TRIM8: variants seen among roughly 807,000 people sequenced by gnomAD.
The protein encoded by TRIM8 is tripartite motif containing 8, also known as E3 ubiquitin-protein ligase TRIM8.
In TRIM8, 9 loss-of-function variants were observed where a neutral mutation model predicts 55.7. The ratio of observed to expected loss-of-function variants is 0.16; its 90% CI spans 0.10 to 0.28. TRIM8 has a LOEUF of 0.28. Ranked by LOEUF, TRIM8 falls within the 10% of genes least tolerant of loss-of-function variation. The pLI, the probability that TRIM8 is intolerant of heterozygous loss-of-function variation, is 1.00. For synonymous variants in TRIM8, 335 were observed against 333.3 expected (o/e 1.01, Z -0.06); for missense variants, 556 against 736.4 (o/e 0.76, Z 2.83).
intron 1 of TRIM8, among the ~76,000 whole-genome samples, chr10:102,646,054 C>T (rs987922156): frequency 6.6e-6 from 1 of 152,162 alleles, no homozygotes; most frequent in Non-Finnish European, 1.5e-5. Flanking sequence ...TGGGTGATTA[C>T]GGAACCGCGT....
rs750896248 is a variant in TRIM8 at position 102,644,877 on chromosome 10, C to T, written c.260C>T (p.Pro87Leu). The T allele has an allele frequency of 6.2e-6, 10 of 1,611,558 alleles. No homozygotes were observed. The Admixed American group carries it at 8.3e-5, about 13-fold the overall frequency. ...KFNALHVEKP[P>L]AALHCVFCRR... ...AATGCCCTGCACGTGGAGAAGCCGCCGGCGGCGCTGCACTGCGTGTTCTGC... is the reference window on the plus strand; with the variant it reads ...AATGCCCTGCACGTGGAGAAGCCGCTGGCGGCGCTGCACTGCGTGTTCTGC... Residue 87 changes from proline to leucine, a missense_variant, in exon 1 of 6, where the codon CCG becomes CTG. Transcript: ENST00000643721.
chr10:102,652,804 C>CT (rs11455358), intron 1 of TRIM8, among the ~76,000 whole-genome samples: 19,139 of 144,036 alleles, frequency 0.13, 1,596 homozygotes, highest in East Asian at 0.41. Context: ...CGATACTTAA[C>CT]TTTTTTTTTT....
intron 1 of TRIM8, among the ~76,000 whole-genome samples, chr10:102,649,494 A>AGGCTGGCCT (rs1390072283): frequency 6.6e-6 from 1 of 152,186 alleles, no homozygotes; most frequent in African/African-American, 2.4e-5. Flanking sequence ...CGGGCCGAGC[A>AGGCTGGCCT]GGCTGGCCTG....
Position 102,656,927 on chromosome 10 carries a change from G to A in TRIM8, c.1229G>A (p.Gly410Asp). The A allele has an allele frequency of 1.2e-6, 2 of 1,606,450 alleles. No individual in the cohort carries two copies. The highest frequency in any genetic ancestry group is 1.7e-6 in the Non-Finnish European group (2 of 1,175,894). Reference protein sequence around the residue: ...YGAAGTASGEGQSGQPLGPCS... With the variant: ...YGAAGTASGEDQSGQPLGPCS... ...GCGGCGGGCACAGCCAGCGGTGAGG[G>A]CCAGTCTGGGCAGCCCCTGGGGCCC... Residue 410 changes from glycine to aspartate, a missense_variant, in exon 6 of 6, where the codon GGC (glycine) becomes GAC (aspartate). Transcript: ENST00000643721. This position sits in a 1 kb window ranked among gnomAD's most constrained non-coding sequence, Gnocchi z 4.6.
Position 102,656,256 on chromosome 10 carries a change from T to A in TRIM8, c.933-14T>A. 1 of 1,614,108 alleles carries A rather than the reference T, an allele frequency of 6.2e-7. No homozygotes were observed. Among genetic ancestry groups the A allele is most frequent in the Non-Finnish European group, 8.5e-7 (1 of 1,180,000 alleles). ...ATGCCTCCTCACAGCAGATGCCCCGTCCACTGCCCCCAGGACCCAGACCTG... is the reference window on the plus strand; with the variant it reads ...ATGCCTCCTCACAGCAGATGCCCCGACCACTGCCCCCAGGACCCAGACCTG... On this transcript the variant is annotated splice_polypyrimidine_tract_variant and intron_variant, in intron 4 of 5. Transcript: ENST00000643721. The surrounding 1 kb of genome is among the most constrained non-coding windows in gnomAD (Gnocchi z 4.6).
intron 1 of TRIM8, among the ~76,000 whole-genome samples, chr10:102,652,657 G>C (rs534617294): frequency 1.3e-5 from 2 of 152,266 alleles, no homozygotes; most frequent in East Asian, 3.9e-4. Flanking sequence ...ACCATGGTTT[G>C]TGAGGCAATT....
chr10:102,647,645 C>T (rs558658781), intron 1 of TRIM8, among the ~76,000 whole-genome samples: 2 of 152,128 alleles, frequency 1.3e-5, no homozygotes, highest in African/African-American at 4.8e-5. Flanking sequence ...TTTCTCTTCC[C>T]GGAGGGAGTC....
intron 3 of TRIM8, among the ~76,000 whole-genome samples, chr10:102,655,569 A>C (rs1010627033): frequency 1.3e-5 from 2 of 152,216 alleles, no homozygotes; most frequent in African/African-American, 4.8e-5. Context: ...CCACATTTAT[A>C]AACATCTCTG....
At position 102,657,412 on chromosome 10, in the gene TRIM8, G is replaced by T. The variant is rs868663721; in HGVS notation, c.*58G>T. On this transcript the variant is annotated 3_prime_UTR_variant, in exon 6 of 6. Coordinates refer to ENST00000643721, the MANE Select transcript of TRIM8 (RefSeq NM_030912.3). Reference sequence around the variant, plus strand: ...TCCTCCCCAGCCCCCGGGCTCGGGAGTTATGCATCCAGAGACCTGCCCTTC... The same window carrying T: ...TCCTCCCCAGCCCCCGGGCTCGGGATTTATGCATCCAGAGACCTGCCCTTC... 77 of 1,513,866 alleles carry T rather than the reference G, an allele frequency of 5.1e-5. 1 individual carries two copies. In the Middle Eastern group the frequency reaches 3.8e-3, roughly 76 times the overall value. 93.8% of individuals were successfully genotyped at this position (1,513,866 alleles called of 1,614,324 possible).
At position 102,658,078 on chromosome 10, in the gene TRIM8, T is replaced by G. The variant is rs759029126; in HGVS notation, c.*724T>G. 5.9e-5 allele frequency: 9 copies of G among 151,844 alleles called. No homozygotes were observed. Among genetic ancestry groups the G allele is most frequent in the Non-Finnish European group, 8.8e-5 (6 of 67,964 alleles). The allele number at this position is 151,844 out of a possible 1,614,324, so 9.4% of individuals were successfully genotyped here. A position where few individuals can be genotyped will look rare whatever the true frequency, so the allele number is the denominator to read the frequency against. ...AAGCAAATAATAATAATATTAATAA[T>G]AATAAAGAGAAATAAAATAATAAAA... On this transcript the variant is annotated 3_prime_UTR_variant, in exon 6 of 6. Coordinates refer to ENST00000643721, the MANE Select transcript of TRIM8 (RefSeq NM_030912.3).
Position 102,656,660 on chromosome 10 carries a change from C to T in TRIM8, c.1049-87C>T. Reference sequence around the variant, plus strand: ...GTAACATTCTTGGGCCTCTAGGTGTCAATGGTCCCCAGGTCCAACCCAGGG... The same window carrying T: ...GTAACATTCTTGGGCCTCTAGGTGTTAATGGTCCCCAGGTCCAACCCAGGG... On this transcript the variant is annotated intron_variant, in intron 5 of 5. Coordinates refer to ENST00000643721, the MANE Select transcript of TRIM8 (RefSeq NM_030912.3). The surrounding 1 kb of genome is among the most constrained non-coding windows in gnomAD (Gnocchi z 4.6). 1 of 1,503,738 alleles carries T rather than the reference C, an allele frequency of 6.7e-7. No homozygotes were observed. The allele number at this position is 1,503,738 out of a possible 1,614,324, so 93.1% of individuals were successfully genotyped here. A position where few individuals can be genotyped will look rare whatever the true frequency, so the allele number is the denominator to read the frequency against.
Position 102,656,176 on chromosome 10 carries a change from G to GGGGA in TRIM8, c.932+43_932+46dup. 1 of 1,614,126 alleles carries GGGGA rather than the reference G, an allele frequency of 6.2e-7. No individual in the cohort carries two copies. Among genetic ancestry groups the GGGGA allele is most frequent in the Non-Finnish European group, 8.5e-7 (1 of 1,180,010 alleles). ...CCTAGCCCTCCCGGGGGCACATCCTGGGGAGGGCAGGGGGGCCAGGCCCAT... is the reference window on the plus strand; with the variant it reads ...CCTAGCCCTCCCGGGGGCACATCCTGGGGAGGGAGGGCAGGGGGGCCAGGCCCAT... On this transcript the variant is annotated intron_variant, in intron 4 of 5. Transcript: ENST00000643721. The surrounding 1 kb of genome is among the most constrained non-coding windows in gnomAD (Gnocchi z 4.6).
rs202152137 is a variant in TRIM8, at chr10:102,656,093, C to T, written c.901-13C>T. 1.6e-4 allele frequency: 255 copies of T among 1,613,980 alleles called. No homozygotes were observed. Among genetic ancestry groups the T allele is most frequent in the Middle Eastern group, 8.2e-4 (5 of 6,084 alleles). On this transcript the variant is annotated splice_polypyrimidine_tract_variant and intron_variant, in intron 3 of 5. Coordinates refer to ENST00000643721, the MANE Select transcript of TRIM8 (RefSeq NM_030912.3). The surrounding 1 kb of genome is among the most constrained non-coding windows in gnomAD (Gnocchi z 4.6). ...CCTTTTCCACTGACTTGACTCTTTT[C>T]TCTCCCCAACAGAACACCAAGTCTG...
intron 1 of TRIM8, among the ~76,000 whole-genome samples, chr10:102,646,675 C>T (rs1402879714): frequency 1.3e-5 from 2 of 152,172 alleles, no homozygotes; most frequent in Admixed American, 1.3e-4. Flanking sequence ...GTCCTCCATC[C>T]CCGTTCAGGG....
chr10:102,656,913 A>C lies in TRIM8; in HGVS notation c.1215A>C (p.Thr405=), dbSNP rs1266023284. 1 of 1,600,456 alleles carries C rather than the reference A, an allele frequency of 6.2e-7. No individual in the cohort carries two copies. Among genetic ancestry groups the C allele is most frequent in the East Asian group, 2.2e-5 (1 of 44,664 alleles). Residue 405 remains threonine, a synonymous_variant, in exon 6 of 6, where the codon ACA becomes ACC. Transcript: ENST00000643721. This position sits in a 1 kb window ranked among gnomAD's most constrained non-coding sequence, Gnocchi z 4.6. ...GCGGCCAGTACGGGGCGGCGGGCAC[A>C]GCCAGCGGTGAGGGCCAGTCTGGGC... The part of the protein sequence containing the change: ...PVGGQYGAAG[T]ASGEGQSGQP...
intron 1 of TRIM8, among the ~76,000 whole-genome samples, chr10:102,650,466 C>T (rs977725470): frequency 3.9e-5 from 6 of 152,206 alleles, no homozygotes; most frequent in Admixed American, 2.0e-4. Flanking sequence ...GCCTGAGGCC[C>T]GACAGGCAGG....
intron 1 of TRIM8, chr10:102,653,722 A>T (rs1271663951): frequency 1.3e-5 from 2 of 152,232 alleles, no homozygotes; most frequent in Non-Finnish European, 2.9e-5. Flanking sequence ...CCTAGCTCTC[A>T]GTCTTAAGAA....
chr10:102,654,645 C>G lies in TRIM8; in HGVS notation c.571-8C>G. The G allele has an allele frequency of 6.2e-7, 1 of 1,611,566 alleles. No individual in the cohort carries two copies. Among genetic ancestry groups the G allele is most frequent in the Non-Finnish European group, 8.5e-7 (1 of 1,177,700 alleles). ...CCCTCTGATACTCCCACCCAAATGTCCCTGCAGAAGATGCTCATGAAGCAG... is the reference window on the plus strand; with the variant it reads ...CCCTCTGATACTCCCACCCAAATGTGCCTGCAGAAGATGCTCATGAAGCAG... On this transcript the variant is annotated splice_region_variant and splice_polypyrimidine_tract_variant and intron_variant, in intron 1 of 5. Transcript: ENST00000643721.
At chr10:102,651,245 G>A (rs1004659711) in intron 1 of TRIM8, among the ~76,000 whole-genome samples, 1 of 152,252 alleles carries the variant, frequency 6.6e-6, no homozygotes, top group South Asian at 2.1e-4. Context: ...GCCTGGGACA[G>A]ACAGAAGCTT....
Sources: gnomAD v4.1 joint callset for allele counts (sites outside exome capture counted in the v4.1 genomes callset) on GRCh38, gnomAD v4.1.1 for gene constraint, Gnocchi (gnomAD v3.1) non-coding constraint, MANE v1.5 for transcripts, NCBI Gene and HGNC (gene_info 2026-07-23, HGNC 2026-07-21) for gene names.